DCDC1: variants seen among roughly 807,000 people sequenced by gnomAD.
DCDC1 encodes the protein doublecortin domain containing 1, also known as doublecortin domain-containing protein 1.
Under a neutral mutation model 178.3 loss-of-function variants are expected in DCDC1, and 200 were observed. The ratio of observed to expected loss-of-function variants is 1.12; its 90% CI spans 1.00 to 1.26. The LOEUF is 1.26. Among genes scored for constraint, DCDC1 ranks in the 50% most tolerant of loss-of-function variants. DCDC1 has a pLI of 0.00. For missense variants in DCDC1, 1,983 were observed against 1,749.2 expected, an observed-to-expected ratio of 1.13 and a Z score of -2.38; for synonymous variants, 690 against 604.8, an observed-to-expected ratio of 1.14 and a Z score of -2.07.
chr11:31,106,827 T>G lies in DCDC1; in HGVS notation c.1721A>C (p.Lys574Thr). The G allele has an allele frequency of 1.3e-6, 1 of 766,212 alleles. No homozygotes were observed. 47.5% of individuals were successfully genotyped at this position (766,212 alleles called of 1,614,324 possible). ...TGCTCTACCATAAGAGACCCAAATT[T>G]TTTGCTCATTCTTCAGCGAAAGTGG... The part of the protein sequence containing the change: ...KNPLSLKNEQ[K>T]IWVSYGRAYR... The change falls in exon 13 of 39, where the codon AAA (lysine) becomes ACA (threonine). Residue 574 changes from lysine to threonine, a missense_variant. Physicochemically the swap from Lys to Thr is moderately conservative, Grantham distance 78. Transcript: ENST00000684477.
intron 20 of DCDC1, among the ~76,000 whole-genome samples, chr11:31,023,167 A>C (rs1953000120): frequency 6.6e-6 from 1 of 152,170 alleles, no homozygotes; most frequent in African/African-American, 2.4e-5. Context: ...CCAGCTGTCC[A>C]GAAGCGTGGC....
chr11:31,353,891 G>C (rs1951195062), intron 1 of DCDC1, among the ~76,000 whole-genome samples: 1 of 152,156 alleles, frequency 6.6e-6, no homozygotes, highest in Admixed American at 6.5e-5. Flanking sequence ...TGAGGGTTAT[G>C]GAAATAGATA....
intron 7 of DCDC1, chr11:31,280,923 C>T (rs1946380304): frequency 1.6e-6 from 1 of 639,672 alleles, no homozygotes. Flanking sequence ...CCTCCCTTTT[C>T]CACGGTGTGG....
intron 21 of DCDC1, among the ~76,000 whole-genome samples, chr11:30,940,416 C>T (rs1467117993): frequency 6.6e-6 from 1 of 152,124 alleles, no homozygotes; most frequent in African/African-American, 2.4e-5. Context: ...TTTCCATACA[C>T]GGTTGTGTTT....
At chr11:30,936,950 C>T (rs1392054433) in intron 21 of DCDC1, among the ~76,000 whole-genome samples, 1 of 152,112 alleles carries the variant, frequency 6.6e-6, no homozygotes, top group East Asian at 1.9e-4. Context: ...TGTTTTAGTT[C>T]AATCTGTAAG....
At chr11:30,976,670 A>G (rs1950121711) in intron 20 of DCDC1, among the ~76,000 whole-genome samples, 1 of 152,204 alleles carries the variant, frequency 6.6e-6, no homozygotes, top group Non-Finnish European at 1.5e-5. Context: ...ATTATTAAAA[A>G]GACAAAAAAT....
At chr11:31,288,927 C>T (rs988017605) in intron 7 of DCDC1, among the ~76,000 whole-genome samples, 3 of 151,786 alleles carry the variant, frequency 2.0e-5, no homozygotes, top group Non-Finnish European at 2.9e-5. Flanking sequence ...TTCTCCTTTA[C>T]CTCATTCTTA....
intron 18 of DCDC1, among the ~76,000 whole-genome samples, chr11:31,073,588 A>T (rs897441372): frequency 6.6e-5 from 10 of 152,072 alleles, no homozygotes; most frequent in African/African-American, 2.4e-4. Context: ...TCTACTTTTT[A>T]TTTTTACCAA....
intron 11 of DCDC1, among the ~76,000 whole-genome samples, chr11:31,111,364 G>C (rs1483505098): frequency 6.6e-6 from 1 of 151,534 alleles, no homozygotes; most frequent in East Asian, 1.9e-4. Context: ...TCTCAACCTG[G>C]TTTTAGAAAT....
At chr11:31,047,980 C>T (rs181381858) in intron 20 of DCDC1, among the ~76,000 whole-genome samples, 77 of 152,192 alleles carry the variant, frequency 5.1e-4, no homozygotes, top group African/African-American at 1.8e-3. Context: ...ATACAAGCTG[C>T]CATTTACCGA....
At chr11:31,046,932 A>G (rs1472599862) in intron 20 of DCDC1, among the ~76,000 whole-genome samples, 1 of 152,116 alleles carries the variant, frequency 6.6e-6, no homozygotes, top group Admixed American at 6.6e-5. Context: ...TTTCACCTTC[A>G]TGAAATGTCC....
At chr11:31,137,859 G>T (rs188484657) in intron 9 of DCDC1, 75 bp from the exon 10 acceptor site, 2 of 631,196 alleles carry the variant, frequency 3.2e-6, no homozygotes, top group Non-Finnish European at 5.7e-6. Context: ...CAAACAACTA[G>T]TTAAGCATAA....
At chr11:31,149,874 G>A (rs1379893163) in intron 9 of DCDC1, among the ~76,000 whole-genome samples, 1 of 152,134 alleles carries the variant, frequency 6.6e-6, no homozygotes, top group East Asian at 1.9e-4. Context: ...TGTAACACTT[G>A]CCGCAAGGGT....
intron 9 of DCDC1, among the ~76,000 whole-genome samples, chr11:31,213,473 G>C (rs990245881): frequency 1.3e-5 from 2 of 151,942 alleles, no homozygotes; most frequent in East Asian, 1.9e-4. Context: ...TGTAATCCCA[G>C]CACTTTGGGA....
At chr11:30,946,382 G>T (rs1157981911) in intron 21 of DCDC1, among the ~76,000 whole-genome samples, 1 of 152,112 alleles carries the variant, frequency 6.6e-6, no homozygotes, top group African/African-American at 2.4e-5. Context: ...GGCCCCATGT[G>T]GGCCCTCAAA....
chr11:31,341,271 T>C (rs913261833), intron 1 of DCDC1, among the ~76,000 whole-genome samples: 3 of 152,196 alleles, frequency 2.0e-5, no homozygotes, highest in Non-Finnish European at 2.9e-5. Flanking sequence ...CAGTGAAGCA[T>C]TGTATTGGTC....
At chr11:31,249,100 G>T (rs577046005) in intron 8 of DCDC1, among the ~76,000 whole-genome samples, 1 of 152,158 alleles carries the variant, frequency 6.6e-6, no homozygotes, top group African/African-American at 2.4e-5. Context: ...CAAACTTAAG[G>T]ATTTTCTAAA....
intron 9 of DCDC1, among the ~76,000 whole-genome samples, chr11:31,203,869 A>C (rs1423790225): frequency 6.6e-6 from 1 of 152,206 alleles, no homozygotes; most frequent in East Asian, 1.9e-4. Flanking sequence ...AACAAAACAA[A>C]AAATAAAAAA....
At chr11:31,138,837 T>C (rs904655599) in intron 9 of DCDC1, among the ~76,000 whole-genome samples, 2 of 152,196 alleles carry the variant, frequency 1.3e-5, no homozygotes, top group African/African-American at 4.8e-5. Flanking sequence ...TGTGCATATA[T>C]ACTAGAATAA....
Sources: gnomAD v4.1 joint callset for allele counts (sites outside exome capture counted in the v4.1 genomes callset) on GRCh38, gnomAD v4.1.1 for gene constraint, MANE v1.5 for transcripts, NCBI Gene and HGNC (gene_info 2026-07-23, HGNC 2026-07-21) for gene names.